Variants in CEP112 observed in about 807,000 individuals in gnomAD.
CEP112 encodes centrosomal protein 112.
CEP112 carries 127 observed loss-of-function variants against 153.0 expected under a neutral mutation model. The ratio of observed to expected loss-of-function variants is 0.83; its 90% confidence interval spans 0.72 to 0.96. The LOEUF is 0.96. Among genes scored for constraint, CEP112 ranks in the 40% least tolerant of loss-of-function variants. The pLI is 0.00. For missense variants in CEP112, 1,089 were observed against 1,101.2 expected (o/e 0.99, Z 0.16); for synonymous variants, 358 against 374.4 (o/e 0.96, Z 0.51).
At chr17:65,949,222 C>T (rs528070517) in intron 18 of CEP112, among the ~76,000 whole-genome samples, 3 of 152,128 alleles carry the variant, frequency 2.0e-5, no homozygotes, top group African/African-American at 7.2e-5. Context: ...ACTTGATTTG[C>T]GAATAAGCCT....
At position 65,715,697 on chromosome 17, in the gene CEP112, C is replaced by T. The variant is rs112989595; in HGVS notation, c.2608-26479G>A. On this transcript the variant is annotated intron_variant, in intron 23 of 26. Coordinates refer to ENST00000535342, the MANE Select transcript of CEP112 (RefSeq NM_001199165.4). ...TGATCTCCCGACCTTGTGATCCACCCGCCTCGGCCTCCCAAAGTACTGAGA... is the reference window on the plus strand; with the variant it reads ...TGATCTCCCGACCTTGTGATCCACCTGCCTCGGCCTCCCAAAGTACTGAGA... 4.7e-4 allele frequency among the ~76,000 whole-genome samples: 72 copies of T among 152,240 alleles called. 1 individual carries two copies. The highest frequency in any genetic ancestry group is 2.1e-3 in the South Asian group (10 of 4,820).
rs746401214 is a variant in CEP112 at position 66,096,594 on chromosome 17, T to C, written c.681A>G (p.Pro227=). 3.8e-6 allele frequency: 6 copies of C among 1,593,578 alleles called. No homozygotes were observed. The highest frequency in any genetic ancestry group is 5.1e-6 in the Non-Finnish European group (6 of 1,165,134). ...TGGATTTCTCACATACCAGAGAAAC[T>C]GGGATAGGCTTCTGTCTCAGGTATC... is the stretch of plus-strand genomic sequence containing the variant. ...NPRYLRQKPI[P]VSLMTPKFSL... is the part of the protein sequence containing the mutation. The change falls in exon 7 of 27, where the codon CCA becomes CCG. Residue 227 remains proline, a synonymous_variant. Transcript: ENST00000535342.
chr17:66,151,021 C>T (rs2071186750), intron 4 of CEP112, among the ~76,000 whole-genome samples: 2 of 152,006 alleles, frequency 1.3e-5, no homozygotes, highest in South Asian at 4.2e-4. Context: ...CTTTTTTATG[C>T]TTATTGTTTC....
intron 1 of CEP112, among the ~76,000 whole-genome samples, chr17:66,189,848 T>C (rs1274640405): frequency 2.6e-5 from 4 of 151,860 alleles, no homozygotes; most frequent in Admixed American, 6.6e-5. Flanking sequence ...CTGGGCAACA[T>C]AGTGAGACCC....
intron 17 of CEP112, among the ~76,000 whole-genome samples, chr17:65,998,253 C>T (rs536667549): frequency 2.6e-5 from 4 of 151,778 alleles, no homozygotes; most frequent in Non-Finnish European, 5.9e-5. Flanking sequence ...CATGGTGGCA[C>T]ATGCCTGTGG....
chr17:66,141,988 T>C (rs1332839929), intron 4 of CEP112, among the ~76,000 whole-genome samples: 1 of 152,218 alleles, frequency 6.6e-6, no homozygotes, highest in East Asian at 1.9e-4. Flanking sequence ...TCAATTTATG[T>C]TCCTACCAAC....
At chr17:65,670,188 T>A (rs1346976373) in intron 24 of CEP112, among the ~76,000 whole-genome samples, 1 of 151,232 alleles carries the variant, frequency 6.6e-6, no homozygotes, top group African/African-American at 2.4e-5. Context: ...GTTTTTTTTT[T>A]AACTGATGCT....
At chr17:65,871,297 C>T (rs1011210612) in intron 20 of CEP112, among the ~76,000 whole-genome samples, 2 of 152,172 alleles carry the variant, frequency 1.3e-5, no homozygotes, top group Non-Finnish European at 2.9e-5. Context: ...TCCCTCCCAT[C>T]ATGTGCACGT....
chr17:66,145,885 A>G (rs2070896078), intron 4 of CEP112, among the ~76,000 whole-genome samples: 1 of 151,986 alleles, frequency 6.6e-6, no homozygotes, highest in Non-Finnish European at 1.5e-5. Flanking sequence ...GCATCTTGTT[A>G]TATGCTTTTT....
At chr17:66,024,258 T>C (rs906059782) in intron 16 of CEP112, among the ~76,000 whole-genome samples, 2 of 151,936 alleles carry the variant, frequency 1.3e-5, no homozygotes, top group Non-Finnish European at 2.9e-5. Context: ...AGAACTGGAA[T>C]AAGACAAGGA....
chr17:66,081,557 T>A (rs7219907), intron 8 of CEP112, among the ~76,000 whole-genome samples: 1 of 151,914 alleles, frequency 6.6e-6, no homozygotes, highest in South Asian at 2.1e-4. Flanking sequence ...TCAATAACTG[T>A]GGCTTTCTTT....
rs1293910585 is a variant in CEP112 at position 66,029,872 on chromosome 17, G to A, written c.1370C>T (p.Ala457Val). 1.2e-6 allele frequency: 2 copies of A among 1,612,330 alleles called. No individual in the cohort carries two copies. Among genetic ancestry groups the A allele is most frequent in the Non-Finnish European group, 1.7e-6 (2 of 1,178,974 alleles). Residue 457 changes from alanine to valine, a missense_variant, in exon 13 of 27, where the codon GCA becomes GTA. Ala to Val is a moderately conservative substitution (Grantham distance 64). Transcript: ENST00000535342. ...ITCSELQEVKARRNTLHKEKD... is the reference protein window; with the variant it reads ...ITCSELQEVKVRRNTLHKEKD... ...AATATCTGATTTCAGACAATACCTT[G>A]CCTTTACTTCTTGTAATTCACTACA...
chr17:65,895,276 G>A (rs1251252693), intron 20 of CEP112, among the ~76,000 whole-genome samples: 2 of 152,020 alleles, frequency 1.3e-5, no homozygotes, highest in African/African-American at 4.8e-5. Context: ...TTGCATAAGA[G>A]AATGCAATGC....
At chr17:65,991,704 G>C (rs1453244547) in intron 17 of CEP112, among the ~76,000 whole-genome samples, 1 of 152,010 alleles carries the variant, frequency 6.6e-6, no homozygotes, top group Non-Finnish European at 1.5e-5. Flanking sequence ...ATTCAAGTTT[G>C]CAGGCTTCCT....
intron 24 of CEP112, among the ~76,000 whole-genome samples, chr17:65,665,865 C>A (rs182134657): frequency 6.6e-6 from 1 of 152,182 alleles, no homozygotes; most frequent in Non-Finnish European, 1.5e-5. Context: ...CTGGCCCCAG[C>A]AGTCCCCCAG....
intron 21 of CEP112, among the ~76,000 whole-genome samples, chr17:65,788,166 C>G (rs1187338490): frequency 6.6e-6 from 1 of 152,148 alleles, no homozygotes; most frequent in Non-Finnish European, 1.5e-5. Flanking sequence ...GAGATGATCA[C>G]ATGGTTTTTC....
chr17:65,962,496 T>G (rs1418490835), intron 17 of CEP112, among the ~76,000 whole-genome samples: 1 of 152,214 alleles, frequency 6.6e-6, no homozygotes, highest in African/African-American at 2.4e-5. Context: ...TGCATGTTGA[T>G]AGAAGAAAAA....
intron 19 of CEP112, among the ~76,000 whole-genome samples, chr17:65,914,253 G>C (rs958269227): frequency 6.7e-6 from 1 of 149,474 alleles, no homozygotes; most frequent in Non-Finnish European, 1.5e-5. Context: ...TGAGATGTCT[G>C]TGTCTTAATC....
At chr17:65,869,532 GAAGGA>G (rs1174084829) in intron 20 of CEP112, among the ~76,000 whole-genome samples, 1 of 151,378 alleles carries the variant, frequency 6.6e-6, no homozygotes, top group Non-Finnish European at 1.5e-5. Context: ...ACTACAAGAT[GAAGGA>G]GAGGACAGAA....
Sources: allele counts gnomAD v4.1 joint callset (sites outside exome capture counted in the v4.1 genomes callset), GRCh38; gene constraint gnomAD v4.1.1; transcripts MANE v1.5; gene names NCBI Gene and HGNC (gene_info 2026-07-23, HGNC 2026-07-21).